Variants in UNC13B observed in about 807,000 individuals in gnomAD.
The protein encoded by UNC13B is unc-13 homolog B, also known as protein unc-13 homolog B.
In UNC13B, 144 loss-of-function variants were observed where a neutral mutation model predicts 211.0. The ratio of observed to expected loss-of-function variants is 0.68; its 90% CI spans 0.60 to 0.78. The LOEUF (loss-of-function observed/expected upper bound fraction) is 0.78, where lower values mean the gene tolerates loss of function less well. UNC13B is among the 30% of genes least tolerant of loss of function. The pLI is 0.00. For synonymous variants in UNC13B, 709 were observed against 725.8 expected (o/e 0.98, Z 0.37); for missense variants, 1,777 against 2,002.0 (o/e 0.89, Z 2.14).
At chr9:35,204,028 A>C (rs908290219) in intron 1 of UNC13B, among the ~76,000 whole-genome samples, 1 of 152,210 alleles carries the variant, frequency 6.6e-6, no homozygotes, top group African/African-American at 2.4e-5. Context: ...GCCTTGCTGC[A>C]CTGCACAGCT....
chr9:35,378,365 C>A lies in UNC13B; in HGVS notation c.10134C>A (p.Val3378=), dbSNP rs752224621. 3 of 1,613,992 alleles carry A rather than the reference C, an allele frequency of 1.9e-6. No individual in the cohort carries two copies. The highest frequency in any genetic ancestry group is 1.1e-5 in the South Asian group (1 of 91,076). The part of the protein sequence containing the change: ...GSSDPYVTVQ[V]SKTKKRTKTI... ...GTGACCCTTACGTGACTGTGCAAGT[C>A]AGCAAAACTAAGAAGCGTACCAAGA... The change falls in exon 17 of 40, where the codon GTC becomes GTA. Residue 3378 remains valine (V), a synonymous_variant. Transcript: ENST00000635942.
intron 37 of UNC13B, among the ~76,000 whole-genome samples, chr9:35,402,738 C>A (rs1422883733): frequency 6.6e-6 from 1 of 152,026 alleles, no homozygotes; most frequent in Admixed American, 6.5e-5. Flanking sequence ...GCAGGGACCT[C>A]TAGGAATCCT....
chr9:35,277,534 G>T (rs1263688202), intron 7 of UNC13B, among the ~76,000 whole-genome samples: 1 of 152,026 alleles, frequency 6.6e-6, no homozygotes, highest in Non-Finnish European at 1.5e-5. Flanking sequence ...TTACAGAAAA[G>T]AAATCCAGAG....
At chr9:35,339,342 A>G (rs1379565543) in intron 11 of UNC13B, among the ~76,000 whole-genome samples, 1 of 152,184 alleles carries the variant, frequency 6.6e-6, no homozygotes, top group Non-Finnish European at 1.5e-5. Context: ...CGGCCTACTC[A>G]GGCTTCCCCA....
intron 11 of UNC13B, among the ~76,000 whole-genome samples, chr9:35,363,326 C>T (rs1054300395): frequency 1.3e-5 from 2 of 152,074 alleles, no homozygotes; most frequent in Admixed American, 6.6e-5. Flanking sequence ...GGGAGAGGTA[C>T]ATTTCCAGTT....
chr9:35,203,611 G>T lies in UNC13B; in HGVS notation c.23-24404G>T, dbSNP rs918737668. The stretch of plus-strand genomic sequence containing the variant: ...AACATTTTTTCCTTCATTTCAACAG[G>T]ATCTGTGGAAATTTGAACTTGAAAG... On this transcript the variant is annotated intron_variant, in intron 1 of 39. Coordinates refer to ENST00000635942, the MANE Select transcript of UNC13B (RefSeq NM_001371189.2). Among the ~76,000 whole-genome samples the T allele has an allele frequency of 7.2e-5, 11 of 152,188 alleles. No homozygotes were observed. In the East Asian group the frequency reaches 2.1e-3, roughly 29 times the overall value.
chr9:35,385,593 G>T, intron 22 of UNC13B, 131 bp from the exon 23 acceptor site: 1 of 1,425,608 alleles, frequency 7.0e-7, no homozygotes. Flanking sequence ...ACTTTACAGT[G>T]TTTTTGGCCA....
intron 17 of UNC13B, among the ~76,000 whole-genome samples, chr9:35,379,753 G>A (rs1587733040): frequency 1.3e-5 from 2 of 152,292 alleles, no homozygotes; most frequent in Admixed American, 6.5e-5. Flanking sequence ...TTCTCACAGA[G>A]CAGTGGTTAT....
At chr9:35,391,287 C>G (rs1420208229) in intron 26 of UNC13B, among the ~76,000 whole-genome samples, 2 of 152,210 alleles carry the variant, frequency 1.3e-5, no homozygotes, top group Non-Finnish European at 2.9e-5. Flanking sequence ...AGATATCATT[C>G]CATACCTGTA....
At chr9:35,185,425 T>C (rs1419712830) in intron 1 of UNC13B, among the ~76,000 whole-genome samples, 1 of 152,222 alleles carries the variant, frequency 6.6e-6, no homozygotes, top group Non-Finnish European at 1.5e-5. Context: ...CCAACTACTA[T>C]GTCCTATGTC....
chr9:35,308,023 T>TA lies in UNC13B; in HGVS notation c.8621dup (p.Asn2874LysfsTer4), dbSNP rs1372738309. On this transcript the variant is annotated frameshift_variant, in exon 9 of 40. Transcript: ENST00000635942. LOFTEE classifies it high-confidence loss of function. The stretch of plus-strand genomic sequence containing the variant: ...TAGTTACTAGCAGTGATCAGGACCT[T>TA]AACTCCAGTGAGGCTAACAAAGCTT... 1 of 399,076 alleles carries TA rather than the reference T, an allele frequency of 2.5e-6. No homozygotes were observed. The highest frequency in any genetic ancestry group is 4.4e-5 in the Admixed American group (1 of 22,730). 24.7% of individuals were successfully genotyped at this position (399,076 alleles called of 1,614,324 possible). A position where few individuals can be genotyped will look rare whatever the true frequency, so the allele number is the denominator to read the frequency against.
chr9:35,169,953 G>T (rs1226671923), intron 1 of UNC13B, among the ~76,000 whole-genome samples: 2 of 152,066 alleles, frequency 1.3e-5, no homozygotes, highest in African/African-American at 4.8e-5. Context: ...GCATGTTTAT[G>T]ACACAAATCT....
intron 9 of UNC13B, among the ~76,000 whole-genome samples, chr9:35,308,844 T>C (rs1448259610): frequency 6.6e-6 from 1 of 152,166 alleles, no homozygotes; most frequent in Admixed American, 6.5e-5. Flanking sequence ...ATAGATCTAT[T>C]TTGCTTTGTT....
rs1430198374 is a variant in UNC13B, at chr9:35,300,285, A to G, written c.881A>G (p.Lys294Arg). The change falls in exon 9 of 40, where the codon AAA becomes AGA. Residue 294 changes from lysine (K) to arginine (R), a missense_variant. Transcript: ENST00000635942. ...AGATCTGAAACTAAGACTAACTACAAAAGTACATATTCTAATACTGAAAAT... is the reference window on the plus strand; with the variant it reads ...AGATCTGAAACTAAGACTAACTACAGAAGTACATATTCTAATACTGAAAAT... Reference protein sequence around the residue: ...GERSETKTNYKSTYSNTENCT... With the variant: ...GERSETKTNYRSTYSNTENCT... 7 of 398,812 alleles carry G rather than the reference A, an allele frequency of 1.8e-5. No individual in the cohort carries two copies. The highest frequency in any genetic ancestry group is 6.2e-4 in the Middle Eastern group (1 of 1,610). The allele number at this position is 398,812 out of a possible 1,614,324, so 24.7% of individuals were successfully genotyped here.
rs201839806 is a variant in UNC13B, at chr9:35,398,941, G to A, written c.11981G>A (p.Arg3994Gln). Residue 3994 changes from arginine (R) to glutamine (Q), a missense_variant, in exon 33 of 40, where the codon CGG (arginine) becomes CAG (glutamine). By Grantham distance (43) the Arg-to-Gln change is conservative. Coordinates refer to ENST00000635942, the MANE Select transcript of UNC13B (RefSeq NM_001371189.2). ...ATGGCCGACATCCTGGGCCAGGTTC[G>A]GGGCACAGGGAATGCATCTCCAGAC... Reference protein sequence around the residue: ...RQMADILGQVRGTGNASPDAR... With the variant: ...RQMADILGQVQGTGNASPDAR... The A allele has an allele frequency of 6.9e-5, 112 of 1,614,166 alleles. No individual in the cohort carries two copies. In the Admixed American group the frequency reaches 1.6e-3, roughly 23 times the overall value.
At position 35,341,497 on chromosome 9, in the gene UNC13B, C is replaced by T. The variant is rs570180690; in HGVS notation, c.9415-25450C>T. On this transcript the variant is annotated intron_variant, in intron 11 of 39. Transcript: ENST00000635942. Reference sequence around the variant, plus strand: ...AAGGGAAGACTCCCTTTGTATTGTGCTCCAGCAGTTCCACGGCTGGCATGC... The same window carrying T: ...AAGGGAAGACTCCCTTTGTATTGTGTTCCAGCAGTTCCACGGCTGGCATGC... 2.4e-4 allele frequency among the ~76,000 whole-genome samples: 36 copies of T among 152,322 alleles called. No homozygotes were observed. In the East Asian group the frequency reaches 6.6e-3, roughly 28 times the overall value.
chr9:35,321,904 C>T (rs1361847698), intron 11 of UNC13B, among the ~76,000 whole-genome samples: 3 of 152,178 alleles, frequency 2.0e-5, no homozygotes, highest in Non-Finnish European at 4.4e-5. Flanking sequence ...GCTGTACCAA[C>T]ATTAAGTATT....
chr9:35,341,729 G>T, intron 11 of UNC13B: 1 of 156,280 alleles, frequency 6.4e-6, no homozygotes. Flanking sequence ...GGGTGTGTGA[G>T]TGAGCTTGCT....
At chr9:35,201,818 T>C (rs1170385319) in intron 1 of UNC13B, among the ~76,000 whole-genome samples, 1 of 151,982 alleles carries the variant, frequency 6.6e-6, no homozygotes, top group Non-Finnish European at 1.5e-5. Flanking sequence ...TTTTGAAGGG[T>C]TTTTTGTGTC....
Sources: allele counts gnomAD v4.1 joint callset (sites outside exome capture counted in the v4.1 genomes callset), GRCh38; gene constraint gnomAD v4.1.1; transcripts MANE v1.5; gene names NCBI Gene and HGNC (gene_info 2026-07-23, HGNC 2026-07-21).